Variants in TBC1D25 observed in about 807,000 individuals in gnomAD.
TBC1D25 encodes the protein TBC1 domain family member 25.
A neutral mutation model predicts 38.8 loss-of-function variants in TBC1D25; 13 were observed. The ratio of observed to expected loss-of-function variants is 0.34; its 90% CI spans 0.22 to 0.53. The LOEUF is 0.53. Among genes scored for constraint, TBC1D25 ranks in the 20% least tolerant of loss-of-function variants. TBC1D25 has a pLI of 0.94. For missense variants in TBC1D25, 372 were observed against 600.0 expected (o/e 0.62, Z 3.97); for synonymous variants, 225 against 255.6 (o/e 0.88, Z 1.14).
intron 3 of TBC1D25, among the ~76,000 whole-genome samples, chrX:48,547,604 A>C (rs1556982145): frequency 8.9e-6 from 1 of 112,308 alleles, no homozygotes. Flanking sequence ...GACAGACAGA[A>C]AGACACCCAG....
chrX:48,543,139 G>A, intron 2 of TBC1D25, among the ~76,000 whole-genome samples: 1 of 111,101 alleles, frequency 9.0e-6, no homozygotes, highest in Non-Finnish European at 1.9e-5. Context: ...GTCTTGGAAT[G>A]TATCCCCTGT....
At position 48,561,608 on chromosome X, in the gene TBC1D25, T is replaced by C. The variant is rs1378091284; in HGVS notation, c.*633T>C. 3 of 112,350 alleles carry C rather than the reference T, an allele frequency of 2.7e-5. No homozygotes were observed. Among genetic ancestry groups the C allele is most frequent in the Non-Finnish European group, 5.6e-5 (3 of 53,279 alleles). The allele number at this position is 112,350 out of a possible 1,213,427, so 9.3% of individuals were successfully genotyped here. A position where few individuals can be genotyped will look rare whatever the true frequency, so the allele number is the denominator to read the frequency against. On this transcript the variant is annotated 3_prime_UTR_variant, in exon 6 of 6. Coordinates refer to ENST00000376771, the MANE Select transcript of TBC1D25 (RefSeq NM_002536.4). ...GAGCAGCCACCCCTGGCATTCCACA[T>C]GTCACCATTTCTAGGATCTTGGCCT...
intron 3 of TBC1D25, among the ~76,000 whole-genome samples, chrX:48,554,528 C>T (rs1455861674): frequency 2.0e-5 from 2 of 101,910 alleles, no homozygotes; most frequent in Non-Finnish European, 4.0e-5. Context: ...CCATTGTGCT[C>T]CAGTCTGGGT....
chrX:48,552,877 C>A (rs1252174903), intron 3 of TBC1D25, among the ~76,000 whole-genome samples: 1 of 109,627 alleles, frequency 9.1e-6, no homozygotes, highest in African/African-American at 3.3e-5. Flanking sequence ...GCAACCTCCT[C>A]TTCCCAGGTT....
intron 3 of TBC1D25, among the ~76,000 whole-genome samples, chrX:48,557,913 C>T (rs1195757292): frequency 9.1e-6 from 1 of 109,736 alleles, no homozygotes; most frequent in African/African-American, 3.3e-5. Flanking sequence ...GAGTTCAAGA[C>T]CAGCCTGACC....
chrX:48,544,459 A>G (rs1325044770), intron 2 of TBC1D25, among the ~76,000 whole-genome samples: 2 of 109,832 alleles, frequency 1.8e-5, no homozygotes, highest in Non-Finnish European at 3.8e-5. Flanking sequence ...CTGGGATTAC[A>G]GGCACCTGCC....
At chrX:48,550,140 C>G (rs2061918321) in intron 3 of TBC1D25, among the ~76,000 whole-genome samples, 1 of 110,233 alleles carries the variant, frequency 9.1e-6, no homozygotes, top group Non-Finnish European at 1.9e-5. Flanking sequence ...GTGCCCGCCA[C>G]CATGCCTAGC....
chrX:48,547,161 A>T (rs2061893098), intron 3 of TBC1D25, among the ~76,000 whole-genome samples: 1 of 112,219 alleles, frequency 8.9e-6, no homozygotes, highest in South Asian at 3.6e-4. Context: ...CAGAGAGGTG[A>T]CAGGACTCGT....
At chrX:48,545,439 A>G (rs1556981381) in intron 3 of TBC1D25, among the ~76,000 whole-genome samples, 1 of 112,470 alleles carries the variant, frequency 8.9e-6, no homozygotes, top group African/African-American at 3.2e-5. Flanking sequence ...TTCAGTTATA[A>G]TACCTAAATA....
At chrX:48,542,490 CTTTTT>C (rs781913912) in intron 2 of TBC1D25, among the ~76,000 whole-genome samples, 1 of 92,198 alleles carries the variant, frequency 1.1e-5, no homozygotes, top group Non-Finnish European at 2.2e-5. Flanking sequence ...TTGATCTTCT[CTTTTT>C]TTTTTTTTTG....
intron 3 of TBC1D25, among the ~76,000 whole-genome samples, chrX:48,554,596 G>T (rs782359114): frequency 2.8e-5 from 3 of 108,716 alleles, no homozygotes; most frequent in East Asian, 5.8e-4. Flanking sequence ...GTTGGTGGGG[G>T]GCCTGTTGTG....
At chrX:48,546,236 G>T (rs782268318) in intron 3 of TBC1D25, among the ~76,000 whole-genome samples, 33 of 91,219 alleles carry the variant, frequency 3.6e-4, no homozygotes, top group African/African-American at 1.3e-3. Context: ...AAAAGAGGCT[G>T]AGCACGGTGG....
At chrX:48,549,362 T>C (rs1488710649) in intron 3 of TBC1D25, among the ~76,000 whole-genome samples, 1 of 112,817 alleles carries the variant, frequency 8.9e-6, no homozygotes. Context: ...TCATAGGTAC[T>C]GCAAATATTT....
At chrX:48,546,637 T>G (rs1327314581) in intron 3 of TBC1D25, among the ~76,000 whole-genome samples, 1 of 112,435 alleles carries the variant, frequency 8.9e-6, no homozygotes, top group Non-Finnish European at 1.9e-5. Context: ...GTAATTAAAT[T>G]GCAACACATG....
At position 48,560,486 on chromosome X, in the gene TBC1D25, G is replaced by A. The variant is rs1556985916; in HGVS notation, c.1578G>A (p.Gln526=). The part of the protein sequence containing the change: ...NMGSRRDPLV[Q]LPHPAALISS... ...GCTCCAGGAGGGACCCTCTGGTCCA[G>A]CTGCCCCACCCAGCTGCCCTTATCA... The change falls in exon 6 of 6, where the codon CAG becomes CAA. Residue 526 remains glutamine (Q), a synonymous_variant. Coordinates refer to ENST00000376771, the MANE Select transcript of TBC1D25 (RefSeq NM_002536.4). 2 of 1,210,176 alleles carry A rather than the reference G, an allele frequency of 1.7e-6. No homozygotes were observed. Among genetic ancestry groups the A allele is most frequent in the East Asian group, 3.0e-5 (1 of 33,820 alleles).
Position 48,544,873 on chromosome X carries a change from A to G in TBC1D25, c.238A>G (p.Lys80Glu). The G allele has an allele frequency of 8.3e-7, 1 of 1,211,769 alleles. No individual in the cohort carries two copies. The change falls in exon 3 of 6, where the codon AAG (lysine) becomes GAG (glutamate). Residue 80 changes from lysine (K) to glutamate (E), a missense_variant. Lys to Glu is a moderately conservative substitution (Grantham distance 56). Transcript: ENST00000376771. ...TCCCTCGTATCCCCTGTCCAGGAAGAAGAACTTTGGCATCAGCTACCTGGG... is the reference window on the plus strand; with the variant it reads ...TCCCTCGTATCCCCTGTCCAGGAAGGAGAACTTTGGCATCAGCTACCTGGG... The part of the protein sequence containing the change: ...LIRAFDLSGK[K>E]NFGISYLGRD...
chrX:48,551,882 A>C (rs1556983356), intron 3 of TBC1D25, among the ~76,000 whole-genome samples: 1 of 110,422 alleles, frequency 9.1e-6, no homozygotes, highest in Non-Finnish European at 1.9e-5. Context: ...AGCCTCCCAA[A>C]GTGCTGGGAT....
chrX:48,546,406 G>C (rs782118029), intron 3 of TBC1D25, among the ~76,000 whole-genome samples: 1 of 107,447 alleles, frequency 9.3e-6, no homozygotes, highest in African/African-American at 3.4e-5. Flanking sequence ...CCAGCTACTC[G>C]GGAGGCTGAG....
At chrX:48,555,483 T>TAATCCCA (rs2061967938) in intron 3 of TBC1D25, among the ~76,000 whole-genome samples, 1 of 112,646 alleles carries the variant, frequency 8.9e-6, no homozygotes, top group Middle Eastern at 4.2e-3. Context: ...CCGGATGCAG[T>TAATCCCA]GGCTCACGCC....
Sources: allele counts gnomAD v4.1 joint callset (sites outside exome capture counted in the v4.1 genomes callset), GRCh38; gene constraint gnomAD v4.1.1; transcripts MANE v1.5; gene names NCBI Gene and HGNC (gene_info 2026-07-23, HGNC 2026-07-21).